SPPL3: variants seen among roughly 807,000 people sequenced by gnomAD.
The protein encoded by SPPL3 is signal peptide peptidase like 3.
A neutral mutation model predicts 42.4 loss-of-function variants in SPPL3; 5 were observed. The observed-to-expected ratio is 0.12, with a 90% CI of 0.06 to 0.25. The LOEUF is 0.25. SPPL3 is among the 10% of genes least tolerant of loss of function. The pLI is 1.00. For missense variants in SPPL3, 235 were observed against 489.0 expected (o/e 0.48, Z 4.90); for synonymous variants, 195 against 181.8 (o/e 1.07, Z -0.58).
rs536998659 is a variant in SPPL3 at position 120,809,948 on chromosome 12, T to C, written c.101+861A>G. ...TTCCATAAGGACATAATCTACTTACTTACAAGCATTTTAGGACAACATAAA... is the reference window on the plus strand; with the variant it reads ...TTCCATAAGGACATAATCTACTTACCTACAAGCATTTTAGGACAACATAAA... On this transcript the variant is annotated intron_variant, in intron 2 of 10. Transcript: ENST00000353487. 8.2e-4 allele frequency among the ~76,000 whole-genome samples: 125 copies of C among 151,932 alleles called. 3 individuals are homozygous for C. The South Asian group carries it at 0.025, about 30-fold the overall frequency.
At chr12:120,827,595 G>A (rs1263352989) in intron 1 of SPPL3, among the ~76,000 whole-genome samples, 1 of 152,060 alleles carries the variant, frequency 6.6e-6, no homozygotes, top group African/African-American at 2.4e-5. Flanking sequence ...TTCCCATCCA[G>A]GCAGCCTGGT....
intron 1 of SPPL3, among the ~76,000 whole-genome samples, chr12:120,837,193 G>A (rs1871649130): frequency 6.6e-6 from 1 of 152,158 alleles, no homozygotes; most frequent in Non-Finnish European, 1.5e-5. Flanking sequence ...ATAAGTACTA[G>A]CTATATTATT....
intron 7 of SPPL3, 95 bp downstream of exon 7, chr12:120,768,858 C>T (rs933458304): frequency 6.4e-6 from 7 of 1,091,998 alleles, no homozygotes; most frequent in Non-Finnish European, 9.4e-6. Context: ...GCTGGGCAAG[C>T]CCGACTTTGG....
In SPPL3 at chr12:120,768,405, T is replaced by A; in HGVS notation, c.693A>T (p.Leu231=). 6.2e-7 allele frequency: 1 copy of A among 1,614,182 alleles called. No individual in the cohort carries two copies. The highest frequency in any genetic ancestry group is 8.5e-7 in the Non-Finnish European group (1 of 1,180,022). The change falls in exon 8 of 11, where the codon CTA becomes CTT. Residue 231 remains leucine (L), a synonymous_variant. Transcript: ENST00000353487. ...TQPADNPLDV[L]SRKLHLGPNV... ...TGGGCCCCAGGTGGAGCTTCCGGGA[T>A]AGAACGTCAAGGGGATTGTCAGCCG...
intron 1 of SPPL3, among the ~76,000 whole-genome samples, chr12:120,838,932 T>C (rs1871710212): frequency 6.6e-6 from 1 of 152,142 alleles, no homozygotes; most frequent in Non-Finnish European, 1.5e-5. Context: ...AGTTCAACCA[T>C]TGTGGAAGTC....
chr12:120,824,079 C>G (rs2137011544), intron 1 of SPPL3, among the ~76,000 whole-genome samples: 1 of 152,040 alleles, frequency 6.6e-6, no homozygotes, highest in Non-Finnish European at 1.5e-5. Context: ...ACGGTGTTAG[C>G]CAGGATGGTC....
intron 8 of SPPL3, 141 bp downstream of exon 8, chr12:120,768,184 C>A (rs1209110300): frequency 1.0e-5 from 11 of 1,104,898 alleles, no homozygotes; most frequent in Admixed American, 5.8e-5. Context: ...CCAAGAATCT[C>A]ATCCTCATTT....
At chr12:120,785,163 G>C (rs1336185111) in intron 3 of SPPL3, among the ~76,000 whole-genome samples, 1 of 152,032 alleles carries the variant, frequency 6.6e-6, no homozygotes, top group Non-Finnish European at 1.5e-5. Context: ...CAGGACTTTG[G>C]GAGGCTGAAG....
intron 2 of SPPL3, among the ~76,000 whole-genome samples, chr12:120,809,439 C>T (rs1414414767): frequency 1.3e-5 from 2 of 152,162 alleles, no homozygotes; most frequent in African/African-American, 4.8e-5. Flanking sequence ...GTAAAGACTG[C>T]AAGTCTGTGA....
intron 1 of SPPL3, chr12:120,845,722 A>AC (rs1157607554): frequency 4.3e-6 from 1 of 232,424 alleles, no homozygotes; most frequent in Non-Finnish European, 8.9e-6. Flanking sequence ...CGAGCCAGGT[A>AC]CTGTTTTGCT....
intron 1 of SPPL3, among the ~76,000 whole-genome samples, chr12:120,831,716 T>C (rs779507043): frequency 2.1e-4 from 32 of 152,326 alleles, no homozygotes; most frequent in Admixed American, 3.3e-4. Context: ...TGTTCCCCTG[T>C]AGTTCTGTAG....
chr12:120,765,761 T>C (rs910046223), intron 10 of SPPL3, among the ~76,000 whole-genome samples: 2 of 152,008 alleles, frequency 1.3e-5, no homozygotes, highest in African/African-American at 4.8e-5. Flanking sequence ...TCAAGTGAGC[T>C]GGGCAAGTAA....
intron 1 of SPPL3, among the ~76,000 whole-genome samples, chr12:120,855,661 C>T (rs2137037886): frequency 6.6e-6 from 1 of 151,706 alleles, no homozygotes; most frequent in Non-Finnish European, 1.5e-5. Context: ...CACCACTGCA[C>T]TCCAGCCTGG....
intron 1 of SPPL3, among the ~76,000 whole-genome samples, chr12:120,871,130 CAAAAA>C (rs71453512): frequency 6.2e-4 from 32 of 51,712 alleles, no homozygotes; most frequent in African/African-American, 1.7e-3. Context: ...ACTCCGTCTC[CAAAAA>C]AAAAAAAAAA....
At chr12:120,821,206 G>A (rs1871056940) in intron 1 of SPPL3, among the ~76,000 whole-genome samples, 1 of 152,212 alleles carries the variant, frequency 6.6e-6, no homozygotes, top group Non-Finnish European at 1.5e-5. Context: ...CGGGGGCGGG[G>A]AGAGGGATTG....
At chr12:120,831,146 C>T (rs532196738) in intron 1 of SPPL3, among the ~76,000 whole-genome samples, 1 of 152,090 alleles carries the variant, frequency 6.6e-6, no homozygotes, top group Non-Finnish European at 1.5e-5. Flanking sequence ...GATTCCTGGA[C>T]CTTCAGACTC....
chr12:120,874,693 G>C (rs970315302), intron 1 of SPPL3, among the ~76,000 whole-genome samples: 8 of 152,046 alleles, frequency 5.3e-5, no homozygotes, highest in Non-Finnish European at 1.2e-4. Flanking sequence ...TGGAAGCAGA[G>C]CATGTGGGCT....
chr12:120,876,616 CA>C (rs71076676), intron 1 of SPPL3, among the ~76,000 whole-genome samples: 1,527 of 51,204 alleles, frequency 0.03, 26 homozygotes, highest in African/African-American at 0.11. Flanking sequence ...GACTCTGTCT[CA>C]AAAAAAAAAA....
At chr12:120,863,137 C>A (rs1177562783) in intron 1 of SPPL3, among the ~76,000 whole-genome samples, 2 of 152,114 alleles carry the variant, frequency 1.3e-5, no homozygotes, top group Non-Finnish European at 2.9e-5. Flanking sequence ...CACCTGAGGT[C>A]AGGAGTTTGA....
Sources: gnomAD v4.1 joint callset for allele counts (sites outside exome capture counted in the v4.1 genomes callset) on GRCh38, gnomAD v4.1.1 for gene constraint, MANE v1.5 for transcripts, NCBI Gene and HGNC (gene_info 2026-07-23, HGNC 2026-07-21) for gene names.